The following SUFU variants were observed in gnomAD, a reference collection of about 807,000 sequenced individuals.
SUFU encodes SUFU negative regulator of hedgehog signaling.
SUFU carries 7 observed loss-of-function variants against 58.9 expected under a neutral mutation model. The observed-to-expected ratio is 0.12, with a 90% CI of 0.07 to 0.22. The LOEUF is 0.22. Among genes scored for constraint, SUFU ranks in the 10% least tolerant of loss-of-function variants. SUFU has a pLI of 1.00. For synonymous variants in SUFU, 232 were observed against 254.8 expected (o/e 0.91, Z 0.85); for missense variants, 451 against 641.3 (o/e 0.70, Z 3.20).
In SUFU at chr10:102,516,558, C is replaced by CT. The variant is rs977212681; in HGVS notation, c.317+7263dup. ...AGCTGGCCCAGTTAAACTCAATTTT[C>CT]TTTTTTTTGAGACAGAGTCTCGCTC... On this transcript the variant is annotated intron_variant, in intron 2 of 11. Transcript: ENST00000369902. Among the ~76,000 whole-genome samples the CT allele has an allele frequency of 5.3e-5, 8 of 151,276 alleles. No homozygotes were observed. The South Asian group carries it at 1.5e-3, about 28-fold the overall frequency.
In SUFU at chr10:102,504,146, C is replaced by G; in HGVS notation, c.-7C>G. ...CAGTTCCCCCAGTGCCTGCCCTACG[C>G]ACCCCGATGGCGGAGCTGCGGCCTA... On this transcript the variant is annotated 5_prime_UTR_variant, in exon 1 of 12. Coordinates refer to ENST00000369902, the MANE Select transcript of SUFU (RefSeq NM_016169.4). The G allele has an allele frequency of 6.5e-7, 1 of 1,541,016 alleles. No homozygotes were observed. Among genetic ancestry groups the G allele is most frequent in the Non-Finnish European group, 8.7e-7 (1 of 1,145,514 alleles).
rs2135881213 is a variant in SUFU, at chr10:102,597,172, C to G, written c.789C>G (p.Gly263=). The G allele has an allele frequency of 1.2e-6, 2 of 1,614,026 alleles. No homozygotes were observed. The highest frequency in any genetic ancestry group is 1.7e-6 in the Non-Finnish European group (2 of 1,180,002). The part of the protein sequence containing the change: ...ERVDKGIETD[G]SNLSGVSAKC... ...TTGACAAAGGCATCGAGACAGATGG[C>G]TCCAACCTGAGTGGTGTCAGTGCCA... The change falls in exon 7 of 12, where the codon GGC becomes GGG. Residue 263 remains glycine, a synonymous_variant. Transcript: ENST00000369902.
chr10:102,519,567 T>C (rs539349911), intron 2 of SUFU, among the ~76,000 whole-genome samples: 13 of 150,646 alleles, frequency 8.6e-5, no homozygotes, highest in African/African-American at 2.9e-4. Context: ...CTTATCGTAG[T>C]CATTTACAGT....
intron 2 of SUFU, among the ~76,000 whole-genome samples, chr10:102,513,331 A>G (rs1156608612): frequency 3.9e-5 from 6 of 152,240 alleles, no homozygotes; most frequent in African/African-American, 1.4e-4. Flanking sequence ...AATGATGGCA[A>G]ATGGATCTCT....
At position 102,593,743 on chromosome 10, in the gene SUFU, G is replaced by T. The variant is rs757620652; in HGVS notation, c.683+22G>T. On this transcript the variant is annotated intron_variant, in intron 5 of 11. Transcript: ENST00000369902. ...CTATGTGAGTACCCATGCAAGGTGG[G>T]AGCGCGGCTCCCTGGGCCTGGGGGT... The T allele has an allele frequency of 2.5e-6, 4 of 1,612,608 alleles. No individual in the cohort carries two copies. The South Asian group carries it at 4.4e-5, about 18-fold the overall frequency.
intron 8 of SUFU, among the ~76,000 whole-genome samples, chr10:102,609,519 A>G (rs1045070107): frequency 3.3e-5 from 5 of 152,238 alleles, no homozygotes; most frequent in African/African-American, 1.2e-4. Context: ...AGCAAAAAGG[A>G]CATTATTTTT....
intron 1 of SUFU, among the ~76,000 whole-genome samples, chr10:102,505,855 G>A (rs2062318902): frequency 2.0e-5 from 3 of 152,154 alleles, no homozygotes; most frequent in African/African-American, 7.2e-5. Flanking sequence ...TTCTCATTGT[G>A]CCTTTATATT....
intron 3 of SUFU, among the ~76,000 whole-genome samples, chr10:102,560,935 TCTC>T (rs2063031633): frequency 6.6e-6 from 1 of 152,164 alleles, no homozygotes; most frequent in Admixed American, 6.5e-5. Flanking sequence ...CCTCCCAGGT[TCTC>T]CTCCCAGCGA....
rs1589975244 is a variant in SUFU at position 102,509,188 on chromosome 10, T to G, written c.202T>G (p.Leu68Val). The part of the protein sequence containing the change: ...VKYWLGGPDP[L>V]DYVSMYRNVG... ...TTGCAGGTTGGGTGGCCCAGACCCC[T>G]TGGACTATGTTAGCATGTACAGGAA... The change falls in exon 2 of 12, where the codon TTG becomes GTG. Residue 68 changes from leucine to valine, a missense_variant. By Grantham distance (32) the Leu-to-Val change is conservative. Transcript: ENST00000369902. 6.2e-7 allele frequency: 1 copy of G among 1,614,198 alleles called. No homozygotes were observed. Among genetic ancestry groups the G allele is most frequent in the Non-Finnish European group, 8.5e-7 (1 of 1,180,036 alleles).
At chr10:102,587,367 G>T (rs1354509460) in intron 3 of SUFU, among the ~76,000 whole-genome samples, 4 of 152,040 alleles carry the variant, frequency 2.6e-5, no homozygotes, top group Non-Finnish European at 5.9e-5. Flanking sequence ...ACCAACACTT[G>T]TGCACTTATT....
intron 3 of SUFU, among the ~76,000 whole-genome samples, chr10:102,579,239 T>C (rs111838584): frequency 0.013 from 1,951 of 152,212 alleles, 27 homozygotes; most frequent in Non-Finnish European, 0.018. Context: ...CTCACCCTCA[T>C]TGGGGGGAGA....
At chr10:102,605,387 G>C (rs1397821429) in intron 8 of SUFU, among the ~76,000 whole-genome samples, 1 of 152,130 alleles carries the variant, frequency 6.6e-6, no homozygotes, top group East Asian at 1.9e-4. Flanking sequence ...CATGCCTGTA[G>C]TCCCAGCTAC....
chr10:102,588,807 G>T (rs927118058), intron 3 of SUFU, among the ~76,000 whole-genome samples: 1 of 152,146 alleles, frequency 6.6e-6, no homozygotes, highest in Non-Finnish European at 1.5e-5. Flanking sequence ...ATGATGTTTT[G>T]TAGTTTTCAG....
At chr10:102,528,612 AC>A (rs1408642127) in intron 2 of SUFU, among the ~76,000 whole-genome samples, 16 of 152,156 alleles carry the variant, frequency 1.1e-4, no homozygotes, top group Non-Finnish European at 2.2e-4. Context: ...ATTCCAGGAA[AC>A]CCTTTGCTCA....
chr10:102,590,486 T>C (rs2063388046), intron 3 of SUFU, among the ~76,000 whole-genome samples: 1 of 152,138 alleles, frequency 6.6e-6, no homozygotes, highest in South Asian at 2.1e-4. Context: ...TTTTATATGT[T>C]GCTGGGTTCT....
In SUFU at chr10:102,630,555, G is replaced by A. The variant is rs145252630; in HGVS notation, c.*400G>A. ...GGAGGCGGACAGCCAGATGCAGAGCGAGTGGATGCACTTCCCAGCTCATCT... is the reference window on the plus strand; with the variant it reads ...GGAGGCGGACAGCCAGATGCAGAGCAAGTGGATGCACTTCCCAGCTCATCT... On this transcript the variant is annotated 3_prime_UTR_variant, in exon 12 of 12. Coordinates refer to ENST00000369902, the MANE Select transcript of SUFU (RefSeq NM_016169.4). 10 of 385,782 alleles carry A rather than the reference G, an allele frequency of 2.6e-5. No homozygotes were observed. In the East Asian group the frequency reaches 3.3e-4, roughly 13 times the overall value. The allele number at this position is 385,782 out of a possible 1,614,324, so 23.9% of individuals were successfully genotyped here.
chr10:102,593,598 C>A (rs1399960102), intron 4 of SUFU, 38 bp from the exon 5 acceptor site: 2 of 1,604,924 alleles, frequency 1.2e-6, no homozygotes, highest in Admixed American at 1.7e-5. Context: ...TGGGGGGTGG[C>A]CATTAACACA....
At chr10:102,593,882 G>A (rs1229146330) in intron 5 of SUFU, 111 bp from the exon 6 acceptor site, 14 of 1,438,968 alleles carry the variant, frequency 9.7e-6, no homozygotes, top group Middle Eastern at 2.3e-4. Context: ...CCCTGACCAC[G>A]AACTATTCCC....
intron 2 of SUFU, among the ~76,000 whole-genome samples, chr10:102,540,361 C>G (rs1052421906): frequency 1.8e-4 from 27 of 152,032 alleles, no homozygotes; most frequent in Non-Finnish European, 2.5e-4. Flanking sequence ...TAAAGCTATA[C>G]CTATGGGGGC....
Sources: gnomAD v4.1 joint callset for allele counts (sites outside exome capture counted in the v4.1 genomes callset) on GRCh38, gnomAD v4.1.1 for gene constraint, MANE v1.5 for transcripts, NCBI Gene and HGNC (gene_info 2026-07-23, HGNC 2026-07-21) for gene names.